The following ACIN1 variants were observed in gnomAD, a reference collection of about 807,000 sequenced individuals.
The protein encoded by ACIN1 is apoptotic chromatin condensation inducer 1.
A neutral mutation model predicts 146.6 loss-of-function variants in ACIN1; 16 were observed. The observed-to-expected ratio is 0.11, with a 90% confidence interval of 0.07 to 0.17. The LOEUF is 0.17. Ranked by LOEUF, ACIN1 falls within the 10% of genes least tolerant of loss-of-function variation. The pLI is 1.00. For synonymous variants in ACIN1, 569 were observed against 582.7 expected, an observed-to-expected ratio of 0.98 and a Z score of 0.34; for missense variants, 1,357 against 1,609.3, an observed-to-expected ratio of 0.84 and a Z score of 2.68.
At position 23,058,734 on chromosome 14, in the gene ACIN1, G is replaced by A. The variant is rs963876060; in HGVS notation, c.*414C>T. 9.8e-6 allele frequency: 2 copies of A among 203,250 alleles called. No individual in the cohort carries two copies. Among genetic ancestry groups the A allele is most frequent in the African/African-American group, 2.3e-5 (1 of 43,868 alleles). The allele number at this position is 203,250 out of a possible 1,614,324, so 12.6% of individuals were successfully genotyped here. ...AGACTGGGAACTGCAGGGGCCCTGG[G>A]ACTCAGGAGGAGATGCTGATTCAGC... is the stretch of plus-strand genomic sequence containing the variant. On this transcript the variant is annotated 3_prime_UTR_variant, in exon 19 of 19. Transcript: ENST00000605057.
At chr14:23,089,319 G>A (rs2048166766) in intron 4 of ACIN1, among the ~76,000 whole-genome samples, 1 of 152,160 alleles carries the variant, frequency 6.6e-6, no homozygotes, top group African/African-American at 2.4e-5. Context: ...CTCCCAAAGT[G>A]CTGGGATTAG....
At position 23,071,684 on chromosome 14, in the gene ACIN1, G is replaced by A. The variant is rs147528756; in HGVS notation, c.2124-2067C>T. ...ATCCTTTGGCAGGCCACAGGGAGCC[G>A]ACTGCTGGCTCCAGAGGCCTGGCCT... On this transcript the variant is annotated intron_variant, in intron 8 of 18. Coordinates refer to ENST00000605057, the MANE Select transcript of ACIN1 (RefSeq NM_001386863.1). 1.3e-3 allele frequency: 1,232 copies of A among 919,538 alleles called. 6 individuals carry two copies. The highest frequency in any genetic ancestry group is 4.8e-3 in the South Asian group (267 of 55,366). 57.0% of individuals were successfully genotyped at this position (919,538 alleles called of 1,614,324 possible). A position where few individuals can be genotyped will look rare whatever the true frequency, so the allele number is the denominator to read the frequency against.
Position 23,080,687 on chromosome 14 carries a change from CTCT to C in ACIN1, c.645_647del (p.Glu223del), listed in dbSNP as rs1383849489. 2.5e-6 allele frequency: 4 copies of C among 1,599,936 alleles called. No individual in the cohort carries two copies. Among genetic ancestry groups the C allele is most frequent in the African/African-American group, 2.7e-5 (2 of 73,938 alleles). ...CATCTTCTTCCTCCTCCTCCTCCTC[CTCT>C]TCTTCCTCCTCTGTTTTCAAATTTC... On this transcript the variant is annotated inframe_deletion, in exon 6 of 19. Coordinates refer to ENST00000605057, the MANE Select transcript of ACIN1 (RefSeq NM_001386863.1).
At chr14:23,071,423 T>C (rs1207865949) in intron 8 of ACIN1, 7 of 1,551,664 alleles carry the variant, frequency 4.5e-6, no homozygotes, top group Non-Finnish European at 5.2e-6. Context: ...CGTTAAGTCC[T>C]CACGGCAAAC....
rs1323806156 is a variant in ACIN1, at chr14:23,080,708, C to G, written c.627G>C (p.Leu209Phe). 1 of 1,613,934 alleles carries G rather than the reference C, an allele frequency of 6.2e-7. No individual in the cohort carries two copies. The change falls in exon 6 of 19, where the codon TTG becomes TTC. Residue 209 changes from leucine (L) to phenylalanine (F), a missense_variant. Leu to Phe is a conservative substitution (Grantham distance 22). Transcript: ENST00000605057. ...CCTCCTCTTCTTCCTCCTCTGTTTT[C>G]AAATTTCGATCTGCTCTGACCCTTA... ...RNLRVRADRN[L>F]KTEEEEEEEE...
intron 7 of ACIN1, 116 bp downstream of exon 7, chr14:23,078,701 TCCA>T (rs1021931772): frequency 1.0e-5 from 11 of 1,053,844 alleles, no homozygotes; most frequent in Non-Finnish European, 1.4e-5. Flanking sequence ...TTAACAGGTA[TCCA>T]CCACATTTCT....
In ACIN1 at chr14:23,095,059, C is replaced by T. The variant is rs770122311; in HGVS notation, c.54G>A (p.Arg18=). The part of the protein sequence containing the change: ...TLDGKPLQAL[R]VTDLKAALEQ... The stretch of plus-strand genomic sequence containing the variant: ...CCAGTGCGGCCTTCAGGTCGGTCAC[C>T]CGCAGCGCCTGAAGAGGCTTCCCGT... The change falls in exon 1 of 19, where the codon CGG becomes CGA. Residue 18 remains arginine, a synonymous_variant. Transcript: ENST00000605057. The T allele has an allele frequency of 5.6e-6, 9 of 1,613,900 alleles. No individual in the cohort carries two copies. The South Asian group carries it at 8.8e-5, about 16-fold the overall frequency.
intron 1 of ACIN1, chr14:23,094,685 C>A (rs1021964267): frequency 1.4e-6 from 1 of 701,782 alleles, no homozygotes; most frequent in Non-Finnish European, 2.1e-6. Flanking sequence ...GCCGAAACCA[C>A]AGATACAAAC....
At chr14:23,085,954 G>A (rs917597905) in intron 4 of ACIN1, among the ~76,000 whole-genome samples, 2 of 152,226 alleles carry the variant, frequency 1.3e-5, no homozygotes, top group African/African-American at 4.8e-5. Flanking sequence ...GCAGTTGCTA[G>A]ACAATGCAGG....
intron 7 of ACIN1, 148 bp downstream of exon 7, chr14:23,078,672 G>T: frequency 1.1e-6 from 1 of 884,864 alleles, no homozygotes; most frequent in Non-Finnish European, 1.7e-6. Flanking sequence ...CCAGGGAGCT[G>T]GAAATGAGTT....
intron 10 of ACIN1, among the ~76,000 whole-genome samples, chr14:23,065,455 G>A (rs564298558): frequency 1.4e-4 from 21 of 152,188 alleles, no homozygotes; most frequent in Non-Finnish European, 2.5e-4. Flanking sequence ...GCATGGTGGC[G>A]CATGCCTCTA....
chr14:23,075,796 C>T (rs1232223563), intron 8 of ACIN1, among the ~76,000 whole-genome samples: 1 of 151,914 alleles, frequency 6.6e-6, no homozygotes. Context: ...CTTCCGCCTC[C>T]CGGGTTCAGG....
At chr14:23,082,949 A>G (rs990310098) in intron 4 of ACIN1, among the ~76,000 whole-genome samples, 1 of 147,592 alleles carries the variant, frequency 6.8e-6, no homozygotes, top group Non-Finnish European at 1.5e-5. Context: ...CATGTTGCCT[A>G]GGCTGGTTCG....
chr14:23,067,301 T>C lies in ACIN1; in HGVS notation c.2266-1293A>G. 1 of 985,660 alleles carries C rather than the reference T, an allele frequency of 1.0e-6. No homozygotes were observed. Among genetic ancestry groups the C allele is most frequent in the Non-Finnish European group, 1.2e-6 (1 of 829,860 alleles). 61.1% of individuals were successfully genotyped at this position (985,660 alleles called of 1,614,324 possible). A position where few individuals can be genotyped will look rare whatever the true frequency, so the allele number is the denominator to read the frequency against. ...CTAGGAATATGACAAATGTTCCAGG[T>C]ACCATCTCACACCTGGGATCTTCAG... On this transcript the variant is annotated intron_variant, in intron 9 of 18. Transcript: ENST00000605057. This position sits in a 1 kb window ranked among gnomAD's most constrained non-coding sequence, Gnocchi z 4.6.
chr14:23,070,445 C>G (rs543195101), intron 8 of ACIN1, among the ~76,000 whole-genome samples: 1 of 152,194 alleles, frequency 6.6e-6, no homozygotes, highest in East Asian at 1.9e-4. Flanking sequence ...GAGCAGGCCT[C>G]CTAGTCAGGA....
At chr14:23,062,677 GT>G (rs1566732734) in intron 14 of ACIN1, 154 bp from the exon 15 acceptor site, 1 of 791,728 alleles carries the variant, frequency 1.3e-6, no homozygotes, top group East Asian at 2.6e-5. Flanking sequence ...GAGAAGAGTG[GT>G]GGTGCTTCCC....
At chr14:23,062,331 G>A (rs1043002181) in intron 15 of ACIN1, 56 bp from the exon 16 acceptor site, 19 of 1,595,668 alleles carry the variant, frequency 1.2e-5, no homozygotes, top group Non-Finnish European at 1.5e-5. Context: ...CCCTTCCCAC[G>A]TGCTGCAACA....
intron 2 of ACIN1, among the ~76,000 whole-genome samples, chr14:23,092,164 TCTC>T (rs1323980138): frequency 6.6e-6 from 1 of 151,962 alleles, no homozygotes. Context: ...CTTCACAAGT[TCTC>T]CTCCCTAGAA....
chr14:23,068,038 C>T lies in ACIN1; in HGVS notation c.2265+1438G>A. 1.6e-5 allele frequency: 16 copies of T among 985,858 alleles called. No homozygotes were observed. Among genetic ancestry groups the T allele is most frequent in the Non-Finnish European group, 1.9e-5 (16 of 829,944 alleles). 61.1% of individuals were successfully genotyped at this position (985,858 alleles called of 1,614,324 possible). A position where few individuals can be genotyped will look rare whatever the true frequency, so the allele number is the denominator to read the frequency against. ...AGGGATGGAGGAGAAGTTGGAGCAA[C>T]CAACATGCTGCCCTTCACCATGGAC... On this transcript the variant is annotated intron_variant, in intron 9 of 18. Coordinates refer to ENST00000605057, the MANE Select transcript of ACIN1 (RefSeq NM_001386863.1). The surrounding 1 kb of genome is among the most constrained non-coding windows in gnomAD (Gnocchi z 4.3).
Sources: gnomAD v4.1 joint callset for allele counts (sites outside exome capture counted in the v4.1 genomes callset) on GRCh38, gnomAD v4.1.1 for gene constraint, Gnocchi (gnomAD v3.1) non-coding constraint, MANE v1.5 for transcripts, NCBI Gene and HGNC (gene_info 2026-07-23, HGNC 2026-07-21) for gene names.